Variants in KPNA2 observed in about 807,000 individuals in gnomAD.
KPNA2 encodes the protein karyopherin subunit alpha 2, also known as importin subunit alpha-1.
In KPNA2, 20 loss-of-function variants were observed where a neutral mutation model predicts 53.7. The observed-to-expected ratio is 0.37, with a 90% CI of 0.26 to 0.54. The LOEUF (loss-of-function observed/expected upper bound fraction) is 0.54. Among genes scored for constraint, KPNA2 ranks in the 20% least tolerant of loss-of-function variants. The pLI is 0.83. For missense variants in KPNA2, 515 were observed against 640.3 expected (o/e 0.80, Z 2.11); for synonymous variants, 238 against 227.5 (o/e 1.05, Z -0.42).
intron 7 of KPNA2, 51 bp downstream of exon 7, chr17:68,043,414 G>A (rs2071287578): frequency 6.4e-7 from 1 of 1,571,166 alleles, no homozygotes; most frequent in Non-Finnish European, 8.7e-7. Flanking sequence ...GCATGATCAG[G>A]GCTGGGCGTG....
chr17:68,041,581 T>G (rs2071260597), intron 4 of KPNA2, among the ~76,000 whole-genome samples: 1 of 151,812 alleles, frequency 6.6e-6, no homozygotes, highest in South Asian at 2.1e-4. Flanking sequence ...ATAAAATAAC[T>G]TGGGTGTGGC....
chr17:68,046,314 T>TA (rs1305832672), intron 10 of KPNA2, among the ~76,000 whole-genome samples, 190 bp from the exon 11 acceptor site: 3 of 152,170 alleles, frequency 2.0e-5, no homozygotes, highest in African/African-American at 7.2e-5. Flanking sequence ...TGTGTTACTG[T>TA]AGTAGCTAGC....
chr17:68,042,229 T>C lies in KPNA2; in HGVS notation c.447T>C (p.Ser149=), dbSNP rs782174933. The C allele has an allele frequency of 6.2e-7, 1 of 1,614,150 alleles. No individual in the cohort carries two copies. The highest frequency in any genetic ancestry group is 8.5e-7 in the Non-Finnish European group (1 of 1,180,002). ...CTTGGGCACTCACTAACATTGCTTCTGGGACATCAGAACAAACCAAGGCTG... is the reference window on the plus strand; with the variant it reads ...CTTGGGCACTCACTAACATTGCTTCCGGGACATCAGAACAAACCAAGGCTG... ...ESAWALTNIA[S]GTSEQTKAVV... is the part of the protein sequence containing the mutation. Residue 149 remains serine (S), a synonymous_variant, in exon 5 of 11, where the codon TCT becomes TCC. Transcript: ENST00000330459.
chr17:68,046,356 CCCT>C, intron 10 of KPNA2, 145 bp from the exon 11 acceptor site: 1 of 528,420 alleles, frequency 1.9e-6, no homozygotes, highest in Non-Finnish European at 3.4e-6. Flanking sequence ...CAGAGACCCT[CCCT>C]CCTCTATGTC....
At chr17:68,039,219 C>T (rs1274743963) in intron 3 of KPNA2, among the ~76,000 whole-genome samples, 1 of 151,786 alleles carries the variant, frequency 6.6e-6, no homozygotes, top group Non-Finnish European at 1.5e-5. Flanking sequence ...CTCCTGGGTT[C>T]AAGTGACTCT....
intron 3 of KPNA2, among the ~76,000 whole-genome samples, chr17:68,037,894 G>A (rs2071209314): frequency 6.6e-6 from 1 of 151,978 alleles, no homozygotes; most frequent in South Asian, 2.1e-4. Context: ...TGCCTCATGG[G>A]TTCAAGCAAT....
rs1336537112 is a variant in KPNA2 at position 68,046,581 on chromosome 17, G to T, written c.1575G>T (p.Gly525=). The T allele has an allele frequency of 1.2e-6, 2 of 1,605,338 alleles. No individual in the cohort carries two copies. Among genetic ancestry groups the T allele is most frequent in the South Asian group, 1.1e-5 (1 of 90,616 alleles). ...YTFQVQDGAP[G]TFNF ...TCCAAGTTCAGGATGGGGCTCCTGG[G>T]ACCTTTAACTTTTAGATCATGTAGC... The change falls in exon 11 of 11, where the codon GGG becomes GGT. Residue 525 remains glycine (G), a synonymous_variant. Transcript: ENST00000330459.
intron 4 of KPNA2, 27 bp downstream of exon 4, chr17:68,040,793 T>A: frequency 6.9e-7 from 1 of 1,445,002 alleles, no homozygotes; most frequent in Non-Finnish European, 9.5e-7. Flanking sequence ...ATAGCATGGG[T>A]AGCCTAAGAA....
chr17:68,041,722 CA>C (rs572225670), intron 4 of KPNA2, among the ~76,000 whole-genome samples: 2 of 151,872 alleles, frequency 1.3e-5, no homozygotes, highest in African/African-American at 4.8e-5. Context: ...GATCCTATTT[CA>C]AAAAAACAAA....
At chr17:68,040,804 A>C in intron 4 of KPNA2, 38 bp downstream of exon 4, 1 of 1,227,262 alleles carries the variant, frequency 8.1e-7, no homozygotes, top group Non-Finnish European at 1.1e-6. Flanking sequence ...AGCCTAAGAA[A>C]TTTGTGTTTT....
intron 9 of KPNA2, 128 bp from the exon 10 acceptor site, chr17:68,045,644 A>T: frequency 1.5e-6 from 1 of 674,942 alleles, no homozygotes; most frequent in Non-Finnish European, 2.4e-6. Flanking sequence ...AAACTATGAT[A>T]GGCTTGATGA....
intron 4 of KPNA2, among the ~76,000 whole-genome samples, 171 bp from the exon 5 acceptor site, chr17:68,041,914 C>T (rs534222227): frequency 6.6e-6 from 1 of 152,316 alleles, no homozygotes; most frequent in Admixed American, 6.5e-5. Context: ...TAGCACCATA[C>T]AAGTAATCTG....
intron 9 of KPNA2, among the ~76,000 whole-genome samples, chr17:68,045,202 A>G (rs1162145104): frequency 2.0e-5 from 3 of 151,984 alleles, no homozygotes; most frequent in African/African-American, 7.3e-5. Context: ...CCCTCATCTA[A>G]TCCCCTAAGT....
rs782724880 is a variant in KPNA2 at position 68,045,883 on chromosome 17, G to A, written c.1459G>A (p.Ala487Thr). ...QNHENESVYK[A>T]SLSLIEKYFS... ...CCATGAAAATGAGTCTGTGTATAAG[G>A]CTTCGTTAAGCTTAATTGAGAAGTA... is the stretch of plus-strand genomic sequence containing the variant. Residue 487 changes from alanine to threonine, a missense_variant, in exon 10 of 11, where the codon GCT (alanine) becomes ACT (threonine). By Grantham distance (58) the Ala-to-Thr change is moderately conservative. Coordinates refer to ENST00000330459, the MANE Select transcript of KPNA2 (RefSeq NM_002266.4). 3 of 1,596,660 alleles carry A rather than the reference G, an allele frequency of 1.9e-6. No individual in the cohort carries two copies. Among genetic ancestry groups the A allele is most frequent in the Admixed American group, 3.5e-5 (2 of 57,946 alleles).
chr17:68,040,838 G>A lies in KPNA2; in HGVS notation c.302+72G>A, dbSNP rs546675866. The stretch of plus-strand genomic sequence containing the variant: ...TTTAGATTTTTTTTTGGGGGGTGGG[G>A]CAGGAAGGGACAGACAGATAGTACA... On this transcript the variant is annotated intron_variant, in intron 4 of 10. Transcript: ENST00000330459. The A allele has an allele frequency of 4.1e-5, 35 of 848,064 alleles. 1 individual carries two copies. The highest frequency in any genetic ancestry group is 7.0e-5 in the Non-Finnish European group (35 of 501,508). The allele number at this position is 848,064 out of a possible 1,614,324, so 52.5% of individuals were successfully genotyped here. A position where few individuals can be genotyped will look rare whatever the true frequency, so the allele number is the denominator to read the frequency against.
Position 68,038,406 on chromosome 17 carries a change from C to T in KPNA2, c.213+911C>T, listed in dbSNP as rs545047810. ...CAAGCGTGAGCCACCAGGCCCTTCC[C>T]GTTTTTGGTTTATTTCTGCCTTTTT... On this transcript the variant is annotated intron_variant, in intron 3 of 10. Coordinates refer to ENST00000330459, the MANE Select transcript of KPNA2 (RefSeq NM_002266.4). Among the ~76,000 whole-genome samples, 9 of 152,220 alleles carry T rather than the reference C, an allele frequency of 5.9e-5. 1 individual carries two copies. The highest frequency in any genetic ancestry group is 4.1e-4 in the South Asian group (2 of 4,828).
rs782231700 is a variant in KPNA2, at chr17:68,043,329, T to C, written c.896T>C (p.Val299Ala). ...VVKTGVVPQL[V>A]KLLGASELPI... Reference sequence around the variant, plus strand: ...AAAACAGGAGTTGTGCCCCAACTTGTGAAGCTTCTAGGAGCTTCTGAATTG... The same window carrying C: ...AAAACAGGAGTTGTGCCCCAACTTGCGAAGCTTCTAGGAGCTTCTGAATTG... The change falls in exon 7 of 11, where the codon GTG becomes GCG. Residue 299 changes from valine to alanine, a missense_variant. Transcript: ENST00000330459. 9 of 1,614,096 alleles carry C rather than the reference T, an allele frequency of 5.6e-6. No individual in the cohort carries two copies. In the South Asian group the frequency reaches 9.9e-5, roughly 18 times the overall value.
intron 3 of KPNA2, among the ~76,000 whole-genome samples, chr17:68,040,258 ATATTTTTT>A (rs1395320585): frequency 7.2e-6 from 1 of 138,600 alleles, no homozygotes; most frequent in Admixed American, 7.1e-5. Flanking sequence ...CCATGCCTGG[ATATTTTTT>A]TTTTTTTTTT....
At chr17:68,042,035 C>A (rs1555704615) in intron 4 of KPNA2, 50 bp from the exon 5 acceptor site, 1 of 1,501,556 alleles carries the variant, frequency 6.7e-7, no homozygotes, top group Non-Finnish European at 9.1e-7. Flanking sequence ...TACACAAACT[C>A]CTTTTGTTAA....
Sources: allele counts gnomAD v4.1 joint callset (sites outside exome capture counted in the v4.1 genomes callset), GRCh38; gene constraint gnomAD v4.1.1; transcripts MANE v1.5; gene names NCBI Gene and HGNC (gene_info 2026-07-23, HGNC 2026-07-21).